The following RAB2A variants were observed in gnomAD, a reference collection of about 807,000 sequenced individuals.
RAB2A encodes the protein RAB2A, member RAS oncogene family, also known as ras-related protein Rab-2A.
In RAB2A, 7 loss-of-function variants were observed where a neutral mutation model predicts 32.5. The observed-to-expected ratio is 0.22, with a 90% CI of 0.12 to 0.40. The LOEUF (loss-of-function observed/expected upper bound fraction) is 0.40, where lower values mean the gene tolerates loss of function less well. Ranked by LOEUF, RAB2A falls within the 10% of genes least tolerant of loss-of-function variation. RAB2A has a pLI of 1.00. For missense variants in RAB2A, 108 were observed against 260.7 expected (o/e 0.41, Z 4.03); for synonymous variants, 79 against 85.2 (o/e 0.93, Z 0.40).
At chr8:60,534,926 T>C (rs1258451498) in intron 1 of RAB2A, among the ~76,000 whole-genome samples, 17 of 152,058 alleles carry the variant, frequency 1.1e-4, no homozygotes, top group Admixed American at 1.1e-3. Context: ...TTTTTTTTTT[T>C]CTTGCTTGGC....
At chr8:60,591,730 A>T in intron 5 of RAB2A, 128 bp from the exon 6 acceptor site, 1 of 603,058 alleles carries the variant, frequency 1.7e-6, no homozygotes, top group Non-Finnish European at 3.0e-6. Context: ...TGAATAATAC[A>T]GTTAGTATGT....
intron 3 of RAB2A, chr8:60,576,127 G>A: frequency 2.3e-6 from 1 of 435,334 alleles, no homozygotes; most frequent in South Asian, 1.7e-5. Context: ...AGTGATAAGA[G>A]TCTATCAGTG....
chr8:60,570,218 C>T (rs1264941499), intron 2 of RAB2A, among the ~76,000 whole-genome samples: 1 of 152,058 alleles, frequency 6.6e-6, no homozygotes, highest in Non-Finnish European at 1.5e-5. Context: ...TTAAATTTGA[C>T]GTTATGAGCA....
intron 6 of RAB2A, among the ~76,000 whole-genome samples, chr8:60,607,428 C>CAAAAAAA (rs773988383): frequency 1.7e-5 from 1 of 57,486 alleles, no homozygotes; most frequent in African/African-American, 6.9e-5. Context: ...GACTCCATCT[C>CAAAAAAA]AAAAAAAAAA....
At chr8:60,546,880 G>GT (rs1256050214) in intron 1 of RAB2A, among the ~76,000 whole-genome samples, 6 of 109,008 alleles carry the variant, frequency 5.5e-5, no homozygotes, top group Non-Finnish European at 1.0e-4. Context: ...TTTTGTTTTT[G>GT]TTTTTTGGGT....
intron 6 of RAB2A, among the ~76,000 whole-genome samples, chr8:60,598,937 C>CA (rs56406651): frequency 0.011 from 439 of 40,298 alleles, 35 homozygotes; most frequent in Non-Finnish European, 0.016. Context: ...TGCAGTAAAG[C>CA]AAAAAAAAAA....
intron 1 of RAB2A, chr8:60,558,373 T>G: frequency 2.1e-6 from 1 of 477,886 alleles, no homozygotes; most frequent in South Asian, 1.5e-5. Context: ...TTCCATTTGC[T>G]TGTGAAATGA....
At chr8:60,598,635 T>G (rs1438669818) in intron 6 of RAB2A, among the ~76,000 whole-genome samples, 1 of 152,066 alleles carries the variant, frequency 6.6e-6, no homozygotes, top group South Asian at 2.1e-4. Context: ...ATCAGTGTAC[T>G]CCACCATTTA....
chr8:60,536,971 A>G (rs563075351), intron 1 of RAB2A, among the ~76,000 whole-genome samples: 1 of 152,368 alleles, frequency 6.6e-6, no homozygotes, highest in Admixed American at 6.5e-5. Flanking sequence ...AATATCAATT[A>G]AAAGAGAATA....
chr8:60,565,676 ATTTTTTTTTTTTTTTTTTTTTTT>A (rs71252885), intron 2 of RAB2A, among the ~76,000 whole-genome samples: 3,073 of 97,692 alleles, frequency 0.031, 462 homozygotes, highest in African/African-American at 0.11. Context: ...TCTGTAGCTG[ATTTTTTTTTTTTTTTTTTTTTTT>A]TTTTTTTTTT....
Position 60,548,553 on chromosome 8 carries a change from C to T in RAB2A, c.47-10299C>T, listed in dbSNP as rs564144730. On this transcript the variant is annotated intron_variant, in intron 1 of 7. Coordinates refer to ENST00000262646, the MANE Select transcript of RAB2A (RefSeq NM_002865.3). ...CTCCCTCCCGGACGGGGCGGCTGGC[C>T]GGGCAGAGGGGATCCTCACTTCCCA... is the stretch of plus-strand genomic sequence containing the variant. Among the ~76,000 whole-genome samples, 939 of 124,954 alleles carry T rather than the reference C, an allele frequency of 7.5e-3. 6 individuals carry two copies. Among genetic ancestry groups the T allele is most frequent in the Non-Finnish European group, 0.012 (687 of 59,014 alleles). The allele number at this position is 124,954 out of a possible 152,430, so 82.0% of individuals were successfully genotyped here.
At chr8:60,593,015 A>C (rs1293979759) in intron 6 of RAB2A, among the ~76,000 whole-genome samples, 2 of 152,210 alleles carry the variant, frequency 1.3e-5, no homozygotes, top group African/African-American at 4.8e-5. Flanking sequence ...TCAATGTAGT[A>C]AGCAGTCAGT....
intron 3 of RAB2A, among the ~76,000 whole-genome samples, chr8:60,577,243 T>A (rs1357780069): frequency 6.6e-6 from 1 of 151,836 alleles, no homozygotes; most frequent in African/African-American, 2.4e-5. Flanking sequence ...GAGATGGGAT[T>A]TTGCCATGTT....
At chr8:60,553,947 A>G (rs558876515) in intron 1 of RAB2A, among the ~76,000 whole-genome samples, 5 of 152,204 alleles carry the variant, frequency 3.3e-5, no homozygotes, top group Non-Finnish European at 7.3e-5. Flanking sequence ...AAGTTCCTTT[A>G]TAAAAGGTAC....
rs560361121 is a variant in RAB2A, at chr8:60,613,055, A to G, written c.475-5525A>G. ...AATTCTAGTCTGCTGTGCTTTTCAC[A>G]GGACTCTCCTATCTTTGCCCAATAT... On this transcript the variant is annotated intron_variant, in intron 6 of 7. Coordinates refer to ENST00000262646, the MANE Select transcript of RAB2A (RefSeq NM_002865.3). Among the ~76,000 whole-genome samples the G allele has an allele frequency of 3.7e-4, 57 of 152,362 alleles. 1 individual carries two copies. Among genetic ancestry groups the G allele is most frequent in the Admixed American group, 1.5e-3 (23 of 15,300 alleles).
At chr8:60,606,230 G>A (rs982498835) in intron 6 of RAB2A, among the ~76,000 whole-genome samples, 2 of 152,022 alleles carry the variant, frequency 1.3e-5, no homozygotes, top group Non-Finnish European at 2.9e-5. Flanking sequence ...AGGCAAAAGG[G>A]ACTAATACAT....
intron 6 of RAB2A, among the ~76,000 whole-genome samples, chr8:60,609,991 C>G (rs2150436604): frequency 7.0e-6 from 1 of 143,688 alleles, no homozygotes; most frequent in Admixed American, 7.0e-5. Flanking sequence ...AAAATCCAGA[C>G]AAGCAAATTG....
chr8:60,607,797 A>G (rs554977820), intron 6 of RAB2A, among the ~76,000 whole-genome samples: 9 of 152,346 alleles, frequency 5.9e-5, no homozygotes, highest in South Asian at 4.1e-4. Flanking sequence ...TCACAGGACA[A>G]TCAGGCAGAG....
intron 6 of RAB2A, among the ~76,000 whole-genome samples, chr8:60,600,854 T>G (rs956011981): frequency 3.9e-5 from 6 of 152,250 alleles, no homozygotes; most frequent in South Asian, 2.1e-4. Flanking sequence ...TGTGTAACTT[T>G]CTTGAAATGA....
Sources: gnomAD v4.1 joint callset for allele counts (sites outside exome capture counted in the v4.1 genomes callset) on GRCh38, gnomAD v4.1.1 for gene constraint, MANE v1.5 for transcripts, NCBI Gene and HGNC (gene_info 2026-07-23, HGNC 2026-07-21) for gene names.